The following SPAG16 variants were observed in gnomAD, a reference collection of about 807,000 sequenced individuals.
SPAG16 encodes the protein sperm-associated antigen 16 protein.
A neutral mutation model predicts 80.4 loss-of-function variants in SPAG16; 86 were observed. The observed-to-expected ratio is 1.07, with a 90% confidence interval of 0.90 to 1.28. The LOEUF (loss-of-function observed/expected upper bound fraction) is 1.28. Ranked by LOEUF, SPAG16 falls within the 50% of genes most tolerant of loss-of-function variation. SPAG16 has a pLI of 0.00. For missense variants in SPAG16, 870 were observed against 765.3 expected (o/e 1.14, Z -1.61); for synonymous variants, 294 against 265.9 (o/e 1.11, Z -1.03).
chr2:214,218,058 G>GT (rs1282398357), intron 15 of SPAG16, among the ~76,000 whole-genome samples: 1 of 152,064 alleles, frequency 6.6e-6, no homozygotes, highest in Non-Finnish European at 1.5e-5. Flanking sequence ...ATAAACAAAT[G>GT]TTTTATGGAA....
At chr2:213,397,110 C>G (rs2068080935) in intron 9 of SPAG16, among the ~76,000 whole-genome samples, 1 of 152,168 alleles carries the variant, frequency 6.6e-6, no homozygotes, top group African/African-American at 2.4e-5. Context: ...ACAATCAACT[C>G]TTTGGAAGAA....
intron 10 of SPAG16, among the ~76,000 whole-genome samples, chr2:213,615,476 A>G (rs1196869661): frequency 6.6e-6 from 1 of 152,178 alleles, no homozygotes; most frequent in Non-Finnish European, 1.5e-5. Flanking sequence ...CTGAAATCCC[A>G]GCTACTCGGG....
intron 15 of SPAG16, among the ~76,000 whole-genome samples, chr2:214,323,750 C>A (rs967700540): frequency 5.3e-5 from 8 of 152,290 alleles, no homozygotes; most frequent in East Asian, 3.9e-4. Context: ...CCACTGATGG[C>A]AAATTATTGT....
chr2:214,076,993 T>C (rs1160402), intron 13 of SPAG16, among the ~76,000 whole-genome samples: 106,783 of 151,894 alleles, frequency 0.7, 37,736 homozygotes, highest in Middle Eastern at 0.73. Flanking sequence ...CCAGGCCGCC[T>C]GGAGGAGTGT....
At chr2:213,986,873 T>C (rs115855996) in intron 12 of SPAG16, among the ~76,000 whole-genome samples, 2,255 of 143,080 alleles carry the variant, frequency 0.016, 30 homozygotes, top group Non-Finnish European at 0.024. Context: ...CTAGTCAATT[T>C]GTCTGCCTCT....
chr2:213,993,744 A>G (rs2046389546), intron 12 of SPAG16, among the ~76,000 whole-genome samples: 1 of 152,228 alleles, frequency 6.6e-6, no homozygotes, highest in African/African-American at 2.4e-5. Flanking sequence ...TTCTGTATTG[A>G]AATACTGGTA....
At chr2:213,713,718 A>G (rs1395388586) in intron 10 of SPAG16, among the ~76,000 whole-genome samples, 2 of 152,192 alleles carry the variant, frequency 1.3e-5, no homozygotes, top group Admixed American at 6.5e-5. Context: ...TTCCTGTTTT[A>G]TCTATTTCAA....
At chr2:214,089,253 G>C (rs1262567571) in intron 13 of SPAG16, among the ~76,000 whole-genome samples, 1 of 151,946 alleles carries the variant, frequency 6.6e-6, no homozygotes, top group African/African-American at 2.4e-5. Flanking sequence ...GGAGGCTGAG[G>C]GGAGGCATTT....
intron 15 of SPAG16, among the ~76,000 whole-genome samples, chr2:214,181,829 T>C (rs2057316500): frequency 1.3e-5 from 2 of 149,876 alleles, no homozygotes; most frequent in Admixed American, 1.3e-4. Flanking sequence ...TTTGACCTAG[T>C]CAAAGTTGTG....
At chr2:213,357,970 AG>A (rs1201943058) in intron 7 of SPAG16, among the ~76,000 whole-genome samples, 1 of 152,156 alleles carries the variant, frequency 6.6e-6, no homozygotes, top group Non-Finnish European at 1.5e-5. Flanking sequence ...AAAACCCCTT[AG>A]CATTTGCTTG....
At chr2:214,141,131 G>A (rs897409588) in intron 14 of SPAG16, among the ~76,000 whole-genome samples, 1 of 152,092 alleles carries the variant, frequency 6.6e-6, no homozygotes, top group African/African-American at 2.4e-5. Context: ...TTTGGATTCA[G>A]CATTTTGTCT....
intron 11 of SPAG16, among the ~76,000 whole-genome samples, chr2:213,900,122 G>C (rs373698179): frequency 1.3e-5 from 2 of 152,044 alleles, no homozygotes; most frequent in Non-Finnish European, 2.9e-5. Context: ...CACATATTTT[G>C]GTTACCATGT....
At chr2:214,318,393 T>C (rs1455823590) in intron 15 of SPAG16, among the ~76,000 whole-genome samples, 1 of 143,628 alleles carries the variant, frequency 7.0e-6, no homozygotes, top group African/African-American at 2.7e-5. Flanking sequence ...TTTTTTTTTT[T>C]TTTTTTGAGA....
chr2:213,293,116 C>T (rs778759906), intron 1 of SPAG16, among the ~76,000 whole-genome samples: 16 of 152,140 alleles, frequency 1.1e-4, no homozygotes, highest in Non-Finnish European at 1.8e-4. Context: ...GAGTGAGTAT[C>T]GCAAGATCTC....
intron 12 of SPAG16, among the ~76,000 whole-genome samples, chr2:214,013,569 G>A (rs932150749): frequency 2.0e-5 from 3 of 152,078 alleles, no homozygotes; most frequent in Non-Finnish European, 4.4e-5. Context: ...AGTCGGAGAA[G>A]CAATTAAGAA....
intron 6 of SPAG16, 128 bp downstream of exon 6, chr2:213,340,398 G>A (rs951401433): frequency 1.9e-5 from 13 of 678,038 alleles, no homozygotes; most frequent in African/African-American, 1.3e-4. Flanking sequence ...AGTAAGTTGC[G>A]ACCCTTGCTG....
intron 10 of SPAG16, among the ~76,000 whole-genome samples, chr2:213,749,071 C>T (rs1051274288): frequency 6.6e-6 from 1 of 152,088 alleles, no homozygotes; most frequent in South Asian, 2.1e-4. Flanking sequence ...TGCTTGAACC[C>T]GGGAGGCGGA....
At chr2:213,945,942 T>C (rs1450101725) in intron 12 of SPAG16, among the ~76,000 whole-genome samples, 2 of 152,198 alleles carry the variant, frequency 1.3e-5, no homozygotes, top group Non-Finnish European at 2.9e-5. Flanking sequence ...CCTTTGTTTC[T>C]CTTATAATCA....
At chr2:213,516,966 T>G (rs1212225851) in intron 10 of SPAG16, among the ~76,000 whole-genome samples, 1 of 152,192 alleles carries the variant, frequency 6.6e-6, no homozygotes, top group East Asian at 1.9e-4. Context: ...TCCTAGCCAA[T>G]GCAATCAAGT....
Sources: gnomAD v4.1 joint callset for allele counts (sites outside exome capture counted in the v4.1 genomes callset) on GRCh38, gnomAD v4.1.1 for gene constraint, MANE v1.5 for transcripts, NCBI Gene and HGNC (gene_info 2026-07-23, HGNC 2026-07-21) for gene names.